PCDHA6: variants seen among roughly 807,000 people sequenced by gnomAD.
PCDHA6 encodes protocadherin alpha-6.
A neutral mutation model predicts 60.3 loss-of-function variants in PCDHA6; 55 were observed. That is an observed-to-expected ratio of 0.91 (90% CI 0.73 to 1.14). The LOEUF (loss-of-function observed/expected upper bound fraction) is 1.14. Among genes scored for constraint, PCDHA6 ranks in the 50% most tolerant of loss-of-function variants. The probability of loss-of-function intolerance (pLI) is 0.00; values close to 1 mark genes in which losing one functional copy is unlikely to be tolerated. For missense variants in PCDHA6, 1,327 were observed against 1,256.5 expected (o/e 1.06, Z -0.85); for synonymous variants, 652 against 557.9 (o/e 1.17, Z -2.38).
intron 1 of PCDHA6, chr5:140,968,888 CTAA>C: frequency 6.2e-7 from 1 of 1,614,210 alleles, no homozygotes; most frequent in Non-Finnish European, 8.5e-7. Context: ...TACCCTTTAT[CTAA>C]TAATAGCATT....
chr5:140,834,220 A>C lies in PCDHA6; in HGVS notation c.2394+3735A>C, dbSNP rs2150214297. ...TACCGCAAATTCTTTCGTAATCAGC[A>C]AAAGGAAGTCATTCCTTTTCGCACT... On this transcript the variant is annotated intron_variant, in intron 1 of 3. Transcript: ENST00000529310. 3,272 of 686,096 alleles carry C rather than the reference A, an allele frequency of 4.8e-3. 83 individuals carry two copies. In the African/African-American group the frequency reaches 0.051, roughly 11 times the overall value. 42.5% of individuals were successfully genotyped at this position (686,096 alleles called of 1,614,324 possible).
chr5:140,913,821 A>G (rs2153527973), intron 1 of PCDHA6, among the ~76,000 whole-genome samples: 1 of 152,122 alleles, frequency 6.6e-6, no homozygotes, highest in East Asian at 1.9e-4. Context: ...TTCCTTTTAA[A>G]TTTCTTTATT....
intron 1 of PCDHA6, among the ~76,000 whole-genome samples, chr5:140,937,072 C>G (rs1321046541): frequency 7.0e-6 from 1 of 143,792 alleles, no homozygotes; most frequent in East Asian, 2.0e-4. Flanking sequence ...GAGTCTCGCT[C>G]TGTCGCCCAG....
At chr5:140,910,679 A>G (rs1554194364) in intron 1 of PCDHA6, among the ~76,000 whole-genome samples, 1 of 152,208 alleles carries the variant, frequency 6.6e-6, no homozygotes, top group East Asian at 1.9e-4. Context: ...AAGGGAGATC[A>G]GGCATTTCCA....
In PCDHA6 at chr5:140,828,591, T is replaced by G; in HGVS notation, c.500T>G (p.Ile167Ser). ...GATGCAGATGTTGGCTCAAATTCCA[T>G]CTTAACCTATAAACTCAGTTCTAGC... The part of the protein sequence containing the change: ...ASDADVGSNS[I>S]LTYKLSSSEY... Residue 167 changes from isoleucine to serine, a missense_variant, in exon 1 of 4, where the codon ATC becomes AGC. Physicochemically the swap from Ile to Ser is moderately radical, Grantham distance 142 (BLOSUM62 -2). Coordinates refer to ENST00000529310, the MANE Select transcript of PCDHA6 (RefSeq NM_018909.4). 1 of 1,614,220 alleles carries G rather than the reference T, an allele frequency of 6.2e-7. No homozygotes were observed. Among genetic ancestry groups the G allele is most frequent in the Non-Finnish European group, 8.5e-7 (1 of 1,180,040 alleles).
intron 1 of PCDHA6, among the ~76,000 whole-genome samples, chr5:140,873,080 C>G (rs1582109442): frequency 2.6e-5 from 4 of 151,946 alleles, no homozygotes; most frequent in Admixed American, 2.6e-4. Context: ...CTAGCTATTT[C>G]CCCCCCGTAT....
intron 1 of PCDHA6, chr5:140,851,464 T>A: frequency 1.1e-6 from 1 of 895,470 alleles, no homozygotes; most frequent in Non-Finnish European, 1.4e-6. Flanking sequence ...TCAAATTATG[T>A]CAATAAATGT....
intron 1 of PCDHA6, chr5:140,857,907 C>G (rs1250345336): frequency 1.3e-6 from 2 of 1,597,680 alleles, no homozygotes. Flanking sequence ...GCACGCATCC[C>G]GTTTCGCGTG....
chr5:140,861,259 G>A (rs1180244061), intron 1 of PCDHA6: 2 of 166,330 alleles, frequency 1.2e-5, no homozygotes, highest in Non-Finnish European at 2.6e-5. Flanking sequence ...AGGAATCCCG[G>A]AGCCTACAGC....
At chr5:140,899,402 G>C (rs1465071147) in intron 1 of PCDHA6, among the ~76,000 whole-genome samples, 20 of 152,122 alleles carry the variant, frequency 1.3e-4, no homozygotes, top group East Asian at 7.7e-4. Flanking sequence ...TAGCATGAAG[G>C]GTTGTTGAAT....
intron 1 of PCDHA6, among the ~76,000 whole-genome samples, chr5:140,887,239 G>C (rs1248062448): frequency 6.6e-6 from 1 of 151,736 alleles, no homozygotes. Flanking sequence ...TGAGACTACC[G>C]GCGCCCGCCA....
Position 140,850,649 on chromosome 5 carries a change from C to T in PCDHA6, c.2394+20164C>T, listed in dbSNP as rs1413606456. The T allele has an allele frequency of 2.5e-6, 4 of 1,598,500 alleles. 1 individual carries two copies. Among genetic ancestry groups the T allele is most frequent in the Non-Finnish European group, 2.6e-6 (3 of 1,167,902 alleles). ...TGTTGGTTCTCACGCTGCTGCTGTA[C>T]ACTGTGCTGCGGTGCTCGGCGATGC... On this transcript the variant is annotated intron_variant, in intron 1 of 3. Transcript: ENST00000529310.
intron 1 of PCDHA6, chr5:140,850,438 T>C (rs1554144332): frequency 6.3e-7 from 1 of 1,597,768 alleles, no homozygotes; most frequent in Admixed American, 1.7e-5. Flanking sequence ...CAGCGCCTAC[T>C]GGTGCTGGTG....
intron 1 of PCDHA6, among the ~76,000 whole-genome samples, chr5:140,922,354 A>G (rs1208856231): frequency 6.6e-6 from 1 of 152,220 alleles, no homozygotes; most frequent in Non-Finnish European, 1.5e-5. Flanking sequence ...TTTCTAGAGT[A>G]GTGATTCTCA....
In PCDHA6 at chr5:140,869,220, C is replaced by T. The variant is rs184355295; in HGVS notation, c.2394+38735C>T. 1,109 of 1,613,836 alleles carry T rather than the reference C, an allele frequency of 6.9e-4. 5 individuals are homozygous for T. The African/African-American group carries it at 0.013, about 19-fold the overall frequency. On this transcript the variant is annotated intron_variant, in intron 1 of 3. Coordinates refer to ENST00000529310, the MANE Select transcript of PCDHA6 (RefSeq NM_018909.4). ...TCCACTACTCCGTCTCGGAGGAGGC[C>T]AAACACGGCACCTTCGTGGGCCGCA...
rs1167217103 is a variant in PCDHA6, at chr5:140,852,143, C to G, written c.2394+21658C>G. 4 of 873,950 alleles carry G rather than the reference C, an allele frequency of 4.6e-6. No individual in the cohort carries two copies. The African/African-American group carries it at 7.3e-5, about 16-fold the overall frequency. 54.1% of individuals were successfully genotyped at this position (873,950 alleles called of 1,614,324 possible). A position where few individuals can be genotyped will look rare whatever the true frequency, so the allele number is the denominator to read the frequency against. ...AATTAAAAACTCAGTAGAGAAAGAT[C>G]AGAATGGCCTTGAGAATAGAGCCAC... is the stretch of plus-strand genomic sequence containing the variant. On this transcript the variant is annotated intron_variant, in intron 1 of 3. Transcript: ENST00000529310.
At chr5:140,900,206 C>A (rs1286660558) in intron 1 of PCDHA6, among the ~76,000 whole-genome samples, 1 of 152,172 alleles carries the variant, frequency 6.6e-6, no homozygotes, top group Non-Finnish European at 1.5e-5. Flanking sequence ...CCAGTTTCAT[C>A]CAGGTTGTTG....
In PCDHA6 at chr5:140,828,535, A is replaced by G; in HGVS notation, c.444A>G (p.Pro148=). 6.2e-7 allele frequency: 1 copy of G among 1,614,248 alleles called. No homozygotes were observed. Among genetic ancestry groups the G allele is most frequent in the African/African-American group, 1.3e-5 (1 of 75,058 alleles). The change falls in exon 1 of 4, where the codon CCA becomes CCG. Residue 148 remains proline (P), a synonymous_variant. Transcript: ENST00000529310. The part of the protein sequence containing the change: ...QRVLIYESRL[P]DSVFPLEGAS... The stretch of plus-strand genomic sequence containing the variant: ...TGCTGATTTACGAATCTAGGCTGCC[A>G]GATTCTGTGTTTCCACTGGAGGGCG...
intron 1 of PCDHA6, among the ~76,000 whole-genome samples, chr5:140,846,373 C>CTTTTTTTTTTTTTTTTTTTTTTTTTTTT (rs374699051): frequency 3.6e-5 from 2 of 55,152 alleles, no homozygotes; most frequent in Non-Finnish European, 8.2e-5. Flanking sequence ...TTCTTTCTTT[C>CTTTTTTTTTTTTTTTTTTTTTTTTTTTT]TTTTTTTTTT....
Sources: gnomAD v4.1 joint callset for allele counts (sites outside exome capture counted in the v4.1 genomes callset) on GRCh38, gnomAD v4.1.1 for gene constraint, MANE v1.5 for transcripts, NCBI Gene and HGNC (gene_info 2026-07-23, HGNC 2026-07-21) for gene names.